The following SCCPDH variants were observed in gnomAD, a reference collection of about 807,000 sequenced individuals.
SCCPDH encodes the protein saccharopine dehydrogenase-like oxidoreductase.
In SCCPDH, 34 loss-of-function variants were observed where a neutral mutation model predicts 51.5. That is an observed-to-expected ratio of 0.66 (90% CI 0.50 to 0.88). The LOEUF (loss-of-function observed/expected upper bound fraction) is 0.88, where lower values mean the gene tolerates loss of function less well. Ranked by LOEUF, SCCPDH falls within the 40% of genes least tolerant of loss-of-function variation. The pLI is 0.00. For missense variants in SCCPDH, 464 were observed against 527.1 expected (o/e 0.88, Z 1.17); for synonymous variants, 187 against 191.3 (o/e 0.98, Z 0.19).
At chr1:246,745,179 G>A (rs965564491) in intron 5 of SCCPDH, among the ~76,000 whole-genome samples, 14 of 151,548 alleles carry the variant, frequency 9.2e-5, no homozygotes, top group Admixed American at 7.9e-4. Flanking sequence ...AGACATTGAC[G>A]TTGGGAACGT....
At chr1:246,725,914 C>A (rs1051679063) in intron 1 of SCCPDH, among the ~76,000 whole-genome samples, 2 of 152,092 alleles carry the variant, frequency 1.3e-5, no homozygotes, top group Non-Finnish European at 2.9e-5. Context: ...GTTTATATAG[C>A]GTGTGCTTTT....
chr1:246,752,669 G>C (rs1331570318), intron 5 of SCCPDH, among the ~76,000 whole-genome samples: 1 of 151,740 alleles, frequency 6.6e-6, no homozygotes, highest in Non-Finnish European at 1.5e-5. Context: ...CTCGATTCCT[G>C]TCTTTTGACC....
At chr1:246,739,988 G>T (rs1324039015) in intron 3 of SCCPDH, among the ~76,000 whole-genome samples, 184 bp from the exon 4 acceptor site, 1 of 152,112 alleles carries the variant, frequency 6.6e-6, no homozygotes, top group Non-Finnish European at 1.5e-5. Flanking sequence ...GTACCACCTG[G>T]TGTGCAGTAG....
At chr1:246,731,401 T>G (rs898556457) in intron 2 of SCCPDH, among the ~76,000 whole-genome samples, 2 of 152,224 alleles carry the variant, frequency 1.3e-5, no homozygotes, top group East Asian at 3.8e-4. Flanking sequence ...CATTAATACT[T>G]CACTGCAGCC....
chr1:246,741,603 A>G (rs953398912), intron 4 of SCCPDH, among the ~76,000 whole-genome samples: 5 of 151,728 alleles, frequency 3.3e-5, no homozygotes, highest in Non-Finnish European at 5.9e-5. Flanking sequence ...CAGCTCATCC[A>G]GTGGCATTTT....
At chr1:246,732,625 T>G (rs1398324219) in intron 2 of SCCPDH, among the ~76,000 whole-genome samples, 4 of 152,148 alleles carry the variant, frequency 2.6e-5, no homozygotes, top group African/African-American at 9.7e-5. Context: ...TGACCTCAGG[T>G]GATCCACCTG....
At chr1:246,730,496 T>C (rs1209564096) in intron 2 of SCCPDH, among the ~76,000 whole-genome samples, 9 of 152,174 alleles carry the variant, frequency 5.9e-5, no homozygotes, top group Admixed American at 5.9e-4. Context: ...ACTGAATGAA[T>C]GAAGAGTGGT....
intron 5 of SCCPDH, among the ~76,000 whole-genome samples, chr1:246,751,247 C>T (rs1303174033): frequency 6.6e-6 from 1 of 152,156 alleles, no homozygotes; most frequent in Admixed American, 6.5e-5. Context: ...ACATATTTAT[C>T]CAATTTTAAT....
At position 246,736,051 on chromosome 1, in the gene SCCPDH, C is replaced by T. The variant is rs1668584900; in HGVS notation, c.380C>T (p.Pro127Leu). Residue 127 changes from proline (P) to leucine (L), a missense_variant, in exon 3 of 12, where the codon CCT becomes CTT. Pro to Leu is a moderately conservative substitution (Grantham distance 98, BLOSUM62 -3). Transcript: ENST00000366510. ...AGTTGTATCGACATCAGTGGAGAAC[C>T]TCAGGTATAAAAAATAAAAAGGAAA... ...GASCIDISGE[P>L]QFLELMQLKY... is the part of the protein sequence containing the mutation. The T allele has an allele frequency of 1.2e-6, 2 of 1,600,312 alleles. No homozygotes were observed. Among genetic ancestry groups the T allele is most frequent in the African/African-American group, 1.3e-5 (1 of 74,258 alleles).
intron 9 of SCCPDH, among the ~76,000 whole-genome samples, chr1:246,762,625 T>A (rs1335117045): frequency 1.3e-5 from 2 of 151,936 alleles, no homozygotes; most frequent in African/African-American, 4.8e-5. Flanking sequence ...GTGGATCACT[T>A]AAGGTCAGGA....
chr1:246,730,666 TA>T (rs1194549572), intron 2 of SCCPDH, among the ~76,000 whole-genome samples: 1 of 152,206 alleles, frequency 6.6e-6, no homozygotes, highest in African/African-American at 2.4e-5. Flanking sequence ...TTGTAAACAT[TA>T]ACATGGATAA....
chr1:246,745,585 T>C (rs1218517308), intron 5 of SCCPDH, among the ~76,000 whole-genome samples: 1 of 152,170 alleles, frequency 6.6e-6, no homozygotes, highest in Non-Finnish European at 1.5e-5. Context: ...TTTCAAGGGC[T>C]GGTGCTGTGG....
At chr1:246,753,005 C>T (rs1668875163) in intron 5 of SCCPDH, among the ~76,000 whole-genome samples, 1 of 151,940 alleles carries the variant, frequency 6.6e-6, no homozygotes, top group South Asian at 2.1e-4. Context: ...CTGTCTCTTT[C>T]TCTCTCTTTG....
At chr1:246,759,777 A>C (rs1301786833) in intron 7 of SCCPDH, among the ~76,000 whole-genome samples, 180 bp from the exon 8 acceptor site, 1 of 152,248 alleles carries the variant, frequency 6.6e-6, no homozygotes, top group Non-Finnish European at 1.5e-5. Flanking sequence ...CAAAACAAAC[A>C]AAAAATAGGC....
intron 5 of SCCPDH, among the ~76,000 whole-genome samples, chr1:246,750,242 C>CG (rs375859653): frequency 1.3e-4 from 19 of 151,996 alleles, no homozygotes; most frequent in African/African-American, 2.9e-4. Flanking sequence ...GAAACTCTAG[C>CG]GGGGGGGTAC....
chr1:246,741,507 A>C (rs1457408680), intron 4 of SCCPDH, among the ~76,000 whole-genome samples: 1 of 151,962 alleles, frequency 6.6e-6, no homozygotes, highest in Admixed American at 6.6e-5. Flanking sequence ...TATGTTGCCC[A>C]GTTTGGTCTT....
At chr1:246,743,973 GA>G in intron 4 of SCCPDH, 102 bp from the exon 5 acceptor site, 1 of 674,460 alleles carries the variant, frequency 1.5e-6, no homozygotes, top group Non-Finnish European at 2.6e-6. Context: ...TGTAGGCTTA[GA>G]AAAGCTAGTC....
At chr1:246,744,017 A>T (rs1323548888) in intron 4 of SCCPDH, 59 bp from the exon 5 acceptor site, 2 of 1,013,202 alleles carry the variant, frequency 2.0e-6, no homozygotes, top group Non-Finnish European at 3.1e-6. Flanking sequence ...ATTATTACTT[A>T]CCCCAAATAA....
chr1:246,755,428 A>G (rs577594595), intron 5 of SCCPDH: 2 of 152,370 alleles, frequency 1.3e-5, no homozygotes, highest in African/African-American at 4.8e-5. Flanking sequence ...AACCCTTGAC[A>G]TATGGTAAAG....
Sources: allele counts gnomAD v4.1 joint callset (sites outside exome capture counted in the v4.1 genomes callset), GRCh38; gene constraint gnomAD v4.1.1; transcripts MANE v1.5; gene names NCBI Gene and HGNC (gene_info 2026-07-23, HGNC 2026-07-21).